The following CNTN5 variants were observed in gnomAD, a reference collection of about 807,000 sequenced individuals.
CNTN5 encodes the protein contactin 5, also known as contactin-5.
In CNTN5, 77 loss-of-function variants were observed where a neutral mutation model predicts 129.1. That is an observed-to-expected ratio of 0.60 (90% CI 0.50 to 0.72). The LOEUF is 0.72. Among genes scored for constraint, CNTN5 ranks in the 30% least tolerant of loss-of-function variants. CNTN5 has a pLI of 0.00. For synonymous variants in CNTN5, 509 were observed against 465.6 expected, an observed-to-expected ratio of 1.09 and a Z score of -1.20; for missense variants, 1,478 against 1,328.8, an observed-to-expected ratio of 1.11 and a Z score of -1.75.
At chr11:99,766,073 A>G (rs904875805) in intron 3 of CNTN5, among the ~76,000 whole-genome samples, 2 of 152,070 alleles carry the variant, frequency 1.3e-5, no homozygotes, top group Non-Finnish European at 2.9e-5. Context: ...ATTGCAAATA[A>G]TATCGTACTT....
At chr11:99,771,371 T>C (rs1398053861) in intron 3 of CNTN5, among the ~76,000 whole-genome samples, 1 of 152,020 alleles carries the variant, frequency 6.6e-6, no homozygotes, top group Admixed American at 6.6e-5. Context: ...AATAAATACA[T>C]ATATGTACAT....
At chr11:99,518,132 G>A (rs1022840433) in intron 2 of CNTN5, among the ~76,000 whole-genome samples, 3 of 151,972 alleles carry the variant, frequency 2.0e-5, no homozygotes, top group Admixed American at 2.0e-4. Flanking sequence ...CTGTGTGTGT[G>A]TCTTTTCCAG....
chr11:99,581,883 T>G (rs1278113861), intron 3 of CNTN5, among the ~76,000 whole-genome samples: 1 of 152,192 alleles, frequency 6.6e-6, no homozygotes, highest in Non-Finnish European at 1.5e-5. Context: ...GTTAGCTGGT[T>G]ATTTTGCTCG....
At chr11:99,346,237 C>G (rs1221996336) in intron 2 of CNTN5, among the ~76,000 whole-genome samples, 1 of 152,114 alleles carries the variant, frequency 6.6e-6, no homozygotes, top group Non-Finnish European at 1.5e-5. Context: ...AGCAATAATT[C>G]TGCTTAATTG....
At chr11:100,149,706 C>G (rs964054962) in intron 13 of CNTN5, among the ~76,000 whole-genome samples, 2 of 151,638 alleles carry the variant, frequency 1.3e-5, no homozygotes, top group Non-Finnish European at 2.9e-5. Flanking sequence ...TCCTGGCTAA[C>G]ACACAGTGAA....
chr11:99,848,644 G>A (rs1434713622), intron 6 of CNTN5, among the ~76,000 whole-genome samples: 4 of 151,984 alleles, frequency 2.6e-5, no homozygotes, highest in Non-Finnish European at 5.9e-5. Flanking sequence ...ATTCCACTTT[G>A]TAGCTATTCT....
intron 13 of CNTN5, among the ~76,000 whole-genome samples, chr11:100,128,533 T>A (rs540986100): frequency 1.3e-5 from 2 of 152,294 alleles, no homozygotes; most frequent in Admixed American, 6.5e-5. Context: ...AACATTTCTT[T>A]CTTTATTCCT....
At chr11:99,985,208 T>C (rs762069705) in intron 8 of CNTN5, among the ~76,000 whole-genome samples, 26 of 152,094 alleles carry the variant, frequency 1.7e-4, no homozygotes, top group Non-Finnish European at 2.4e-4. Flanking sequence ...CGGTGGTTCC[T>C]GAGCTCTTGT....
chr11:99,731,277 T>C (rs1000399191), intron 3 of CNTN5, among the ~76,000 whole-genome samples: 1 of 151,390 alleles, frequency 6.6e-6, no homozygotes, highest in African/African-American at 2.4e-5. Flanking sequence ...CTGGCTAATT[T>C]TTTTTTTGTA....
intron 3 of CNTN5, among the ~76,000 whole-genome samples, chr11:99,681,912 CA>C (rs1565421950): frequency 6.6e-6 from 1 of 151,836 alleles, no homozygotes; most frequent in African/African-American, 2.4e-5. Context: ...TAAATTATAA[CA>C]GTGAGAAAAT....
intron 3 of CNTN5, among the ~76,000 whole-genome samples, chr11:99,737,157 A>G (rs767406163): frequency 3.3e-5 from 5 of 151,228 alleles, no homozygotes; most frequent in Admixed American, 6.6e-5. Context: ...ACACACACAC[A>G]CACACGCACA....
At chr11:99,097,601 AACT>A (rs1336419088) in intron 1 of CNTN5, among the ~76,000 whole-genome samples, 2 of 151,962 alleles carry the variant, frequency 1.3e-5, no homozygotes, top group African/African-American at 4.8e-5. Context: ...AAATTACTTT[AACT>A]ATATTACTAT....
At chr11:99,709,435 C>T (rs1347634066) in intron 3 of CNTN5, among the ~76,000 whole-genome samples, 2 of 151,738 alleles carry the variant, frequency 1.3e-5, no homozygotes, top group Non-Finnish European at 2.9e-5. Context: ...TGTGTCTGAA[C>T]TCTAGAGAGT....
In CNTN5 at chr11:100,061,293, G is replaced by A. The variant is rs775800095; in HGVS notation, c.1062G>A (p.Leu354=). 7.4e-6 allele frequency: 12 copies of A among 1,613,540 alleles called. No individual in the cohort carries two copies. The African/African-American group carries it at 1.2e-4, about 16-fold the overall frequency. ...KARLRKSQAV[L]EIPNVQLDDA... ...GTCTGCGGAAATCTCAGGCGGTGCT[G>A]GAAATACCGAATGTACAGCTGGATG... Residue 354 remains leucine, a synonymous_variant, in exon 10 of 25, where the codon CTG becomes CTA. Transcript: ENST00000524871.
intron 3 of CNTN5, among the ~76,000 whole-genome samples, chr11:99,616,230 C>T (rs1469500445): frequency 6.6e-6 from 1 of 152,120 alleles, no homozygotes; most frequent in Admixed American, 6.5e-5. Flanking sequence ...CTAACATTTG[C>T]CATTCCGATG....
intron 2 of CNTN5, among the ~76,000 whole-genome samples, chr11:99,451,573 T>A (rs2656175): frequency 0.49 from 74,057 of 151,616 alleles, 18,725 homozygotes; most frequent in East Asian, 0.65. Context: ...TTACTGATAG[T>A]GGAAATTATT....
chr11:99,955,211 T>A (rs1950770281), intron 7 of CNTN5, among the ~76,000 whole-genome samples: 1 of 151,258 alleles, frequency 6.6e-6, no homozygotes, highest in African/African-American at 2.4e-5. Flanking sequence ...GAATGACAAG[T>A]AACACTTCCA....
chr11:100,094,763 GGAAAGGAAGGAAGGAAGGAAGGAA>G (rs1480218961), intron 13 of CNTN5, among the ~76,000 whole-genome samples: 9 of 95,080 alleles, frequency 9.5e-5, no homozygotes, highest in Middle Eastern at 7.2e-3. Context: ...GAGGGAGGGA[GGAAAGGAAGGAAGGAAGGAAGGAA>G]GGAAGGAAGG....
chr11:99,989,456 C>CT (rs908397224), intron 8 of CNTN5, among the ~76,000 whole-genome samples: 2 of 151,424 alleles, frequency 1.3e-5, no homozygotes, highest in Admixed American at 6.6e-5. Context: ...AAAGTACCAA[C>CT]TTTTTTTTTC....
Sources: allele counts gnomAD v4.1 joint callset (sites outside exome capture counted in the v4.1 genomes callset), GRCh38; gene constraint gnomAD v4.1.1; transcripts MANE v1.5; gene names NCBI Gene and HGNC (gene_info 2026-07-23, HGNC 2026-07-21).